Variants in UGT2B7 observed in about 807,000 individuals in gnomAD.
UGT2B7 encodes UDP-glucuronosyltransferase 2B7.
Under a neutral mutation model 51.9 loss-of-function variants are expected in UGT2B7, and 51 were observed. That is an observed-to-expected ratio of 0.98 (90% CI 0.78 to 1.24). The LOEUF (loss-of-function observed/expected upper bound fraction) is 1.24. Among genes scored for constraint, UGT2B7 ranks in the 50% most tolerant of loss-of-function variants. The pLI, the probability that UGT2B7 is intolerant of heterozygous loss-of-function variation, is 0.00. For missense variants in UGT2B7, 727 were observed against 628.4 expected (o/e 1.16, Z -1.68); for synonymous variants, 225 against 211.6 (o/e 1.06, Z -0.55).
At chr4:69,072,382 G>A (rs1718619877) in intron 1 of UGT2B7, among the ~76,000 whole-genome samples, 2 of 152,050 alleles carry the variant, frequency 1.3e-5, no homozygotes, top group South Asian at 4.1e-4. Context: ...GGAATATGAA[G>A]CACTACAGAA....
chr4:69,088,135 T>G (rs2109877708), intron 1 of UGT2B7, among the ~76,000 whole-genome samples: 1 of 152,160 alleles, frequency 6.6e-6, no homozygotes, highest in Admixed American at 6.6e-5. Context: ...TATTTCTCTT[T>G]TTTTGCTCTT....
At chr4:69,076,115 T>G (rs1260424276) in intron 1 of UGT2B7, among the ~76,000 whole-genome samples, 5 of 152,212 alleles carry the variant, frequency 3.3e-5, no homozygotes, top group African/African-American at 1.2e-4. Flanking sequence ...GTACTCATCC[T>G]TTTTTATGTG....
intron 1 of UGT2B7, among the ~76,000 whole-genome samples, chr4:69,085,727 A>G (rs1176861455): frequency 6.6e-6 from 1 of 151,432 alleles, no homozygotes; most frequent in East Asian, 1.9e-4. Flanking sequence ...TTCCCTGTTC[A>G]TGTTTCTATT....
intron 1 of UGT2B7, among the ~76,000 whole-genome samples, chr4:69,052,891 TTACC>T (rs1266560803): frequency 5.9e-5 from 9 of 152,166 alleles, no homozygotes; most frequent in African/African-American, 1.9e-4. Flanking sequence ...ATGTGGATTT[TTACC>T]TACATTAAAA....
At chr4:69,081,007 C>T (rs911711269) in intron 1 of UGT2B7, among the ~76,000 whole-genome samples, 1 of 152,148 alleles carries the variant, frequency 6.6e-6, no homozygotes, top group Non-Finnish European at 1.5e-5. Context: ...TTATCTAATT[C>T]ATATCTTGAA....
At chr4:69,074,481 C>G (rs1443079583) in intron 1 of UGT2B7, among the ~76,000 whole-genome samples, 1 of 124,682 alleles carries the variant, frequency 8.0e-6, no homozygotes, top group South Asian at 2.6e-4. Context: ...GATTGTTTCC[C>G]CTATTTATGA....
At chr4:69,102,213 A>AAACT (rs1719439022) in intron 2 of UGT2B7, among the ~76,000 whole-genome samples, 3 of 152,114 alleles carry the variant, frequency 2.0e-5, no homozygotes, top group African/African-American at 7.2e-5. Context: ...AGTTTTTGAA[A>AAACT]AACTACCAGA....
At chr4:69,059,704 T>A (rs899240968) in intron 1 of UGT2B7, among the ~76,000 whole-genome samples, 1 of 152,104 alleles carries the variant, frequency 6.6e-6, no homozygotes, top group Non-Finnish European at 1.5e-5. Flanking sequence ...TCCGCAAATA[T>A]TTAGAGTCTT....
At chr4:69,066,128 T>A (rs1718478391) in intron 1 of UGT2B7, among the ~76,000 whole-genome samples, 1 of 152,210 alleles carries the variant, frequency 6.6e-6, no homozygotes, top group Non-Finnish European at 1.5e-5. Context: ...TTCTAACAGA[T>A]ATGCTATCAT....
At chr4:69,087,210 G>C (rs936054402) in intron 1 of UGT2B7, among the ~76,000 whole-genome samples, 1 of 151,370 alleles carries the variant, frequency 6.6e-6, no homozygotes, top group Non-Finnish European at 1.5e-5. Context: ...ATTTGTGTTT[G>C]TTGTGTCTAA....
intron 1 of UGT2B7, among the ~76,000 whole-genome samples, chr4:69,051,786 C>T (rs1411719308): frequency 6.6e-6 from 1 of 152,220 alleles, no homozygotes; most frequent in Non-Finnish European, 1.5e-5. Context: ...CCAAGGTGTG[C>T]CCTTATTGGC....
intron 1 of UGT2B7, among the ~76,000 whole-genome samples, chr4:69,055,180 A>G (rs1227266656): frequency 6.6e-6 from 1 of 150,500 alleles, no homozygotes; most frequent in Non-Finnish European, 1.5e-5. Flanking sequence ...TGCTATTAAT[A>G]GTAAGCAGCA....
chr4:69,052,235 A>G (rs1718038202), intron 1 of UGT2B7, among the ~76,000 whole-genome samples: 2 of 152,208 alleles, frequency 1.3e-5, no homozygotes, highest in Non-Finnish European at 2.9e-5. Context: ...ACCAGTTTCC[A>G]TACATAGACA....
chr4:69,102,046 C>G (rs919993849), intron 2 of UGT2B7, among the ~76,000 whole-genome samples: 1 of 152,138 alleles, frequency 6.6e-6, no homozygotes, highest in Non-Finnish European at 1.5e-5. Context: ...CCTAAAGAAT[C>G]ACCTGAAAAA....
intron 1 of UGT2B7, among the ~76,000 whole-genome samples, chr4:69,081,018 ACT>A (rs1718825583): frequency 6.6e-6 from 1 of 152,118 alleles, no homozygotes; most frequent in African/African-American, 2.4e-5. Context: ...ATATCTTGAA[ACT>A]CTATCACTTT....
intron 1 of UGT2B7, among the ~76,000 whole-genome samples, chr4:69,081,920 A>T (rs1718846810): frequency 6.6e-6 from 1 of 152,036 alleles, no homozygotes; most frequent in African/African-American, 2.4e-5. Flanking sequence ...GCTTGTGGCA[A>T]TTGCACATCA....
intron 1 of UGT2B7, among the ~76,000 whole-genome samples, chr4:69,075,280 T>C (rs558781645): frequency 6.6e-6 from 1 of 152,238 alleles, no homozygotes; most frequent in African/African-American, 2.4e-5. Context: ...AGCAAATAAA[T>C]TATACTGAAA....
At chr4:69,073,486 G>T (rs1718641964) in intron 1 of UGT2B7, among the ~76,000 whole-genome samples, 1 of 152,112 alleles carries the variant, frequency 6.6e-6, no homozygotes, top group African/African-American at 2.4e-5. Context: ...GATTCATCAT[G>T]ACAGTGGCTC....
chr4:69,065,202 A>G (rs539281771), intron 1 of UGT2B7, among the ~76,000 whole-genome samples: 1 of 152,290 alleles, frequency 6.6e-6, no homozygotes, highest in African/African-American at 2.4e-5. Context: ...TATTTTTCAG[A>G]GGGCTATTTA....
Sources: allele counts gnomAD v4.1 joint callset (sites outside exome capture counted in the v4.1 genomes callset), GRCh38; gene constraint gnomAD v4.1.1; transcripts MANE v1.5; gene names NCBI Gene and HGNC (gene_info 2026-07-23, HGNC 2026-07-21).